ANK3: variants seen among roughly 807,000 people sequenced by gnomAD.
ANK3 encodes the protein ankyrin 3.
ANK3 carries 57 observed loss-of-function variants against 370.9 expected under a neutral mutation model. The ratio of observed to expected loss-of-function variants is 0.15; its 90% CI spans 0.12 to 0.19. The LOEUF is 0.19. ANK3 is among the 10% of genes least tolerant of loss of function. The pLI, the probability that ANK3 is intolerant of heterozygous loss-of-function variation, is 1.00. For synonymous variants in ANK3, 1,929 were observed against 1,946.3 expected (o/e 0.99, Z 0.23); for missense variants, 4,439 against 5,302.1 (o/e 0.84, Z 5.06).
intron 7 of ANK3, among the ~76,000 whole-genome samples, chr10:60,249,619 A>G (rs1293262278): frequency 6.6e-6 from 1 of 152,210 alleles, no homozygotes; most frequent in Non-Finnish European, 1.5e-5. Context: ...AGAAATGAAA[A>G]CAATGTCTTT....
At chr10:60,548,278 C>G (rs928430971) in intron 2 of ANK3, among the ~76,000 whole-genome samples, 1 of 131,716 alleles carries the variant, frequency 7.6e-6, no homozygotes, top group Non-Finnish European at 1.5e-5. Flanking sequence ...ATGACATGAT[C>G]TCGGCTCACT....
chr10:60,476,989 TAAAGG>T (rs1235719164), intron 2 of ANK3, among the ~76,000 whole-genome samples: 6 of 152,022 alleles, frequency 3.9e-5, no homozygotes, highest in Non-Finnish European at 8.8e-5. Context: ...GGTGGCACAC[TAAAGG>T]AAAGAAAGCC....
chr10:60,390,223 G>A (rs1034937713), upstream of ANK3, among the ~76,000 whole-genome samples: 3 of 152,178 alleles, frequency 2.0e-5, no homozygotes, highest in African/African-American at 7.2e-5. Flanking sequence ...CATCCTTTAT[G>A]CTGAACTATC....
chr10:60,182,467 C>CT (rs2096222392), intron 17 of ANK3, among the ~76,000 whole-genome samples: 1 of 152,140 alleles, frequency 6.6e-6, no homozygotes, highest in Non-Finnish European at 1.5e-5. Flanking sequence ...AATTGTAAAG[C>CT]ATTTTTTATA....
At chr10:60,648,767 T>TAAAAAAAAAA (rs796546062) in intron 1 of ANK3, among the ~76,000 whole-genome samples, 2 of 112,252 alleles carry the variant, frequency 1.8e-5, no homozygotes, top group African/African-American at 3.4e-5. Flanking sequence ...AAGACTGTCT[T>TAAAAAAAAAA]AAAAAAAAAA....
intron 1 of ANK3, among the ~76,000 whole-genome samples, chr10:60,327,015 C>CAAAAAAAAAAA (rs986368110): frequency 5.6e-5 from 8 of 143,022 alleles, no homozygotes; most frequent in African/African-American, 1.9e-4. Flanking sequence ...GACTCCGTCT[C>CAAAAAAAAAAA]AAAAAAAAAA....
rs1302662882 is a variant in ANK3 at position 60,063,185 on chromosome 10, A to G, written c.12521T>C (p.Ile4174Thr). The change falls in exon 40 of 44, where the codon ATA (isoleucine) becomes ACA (threonine). Residue 4174 changes from isoleucine (I) to threonine (T), a missense_variant. By Grantham distance (89) the Ile-to-Thr change is moderately conservative. Around this residue, in one of 13 missense-constraint regions of ANK3, gnomAD observed 99 missense variants for 150.7 expected, o/e 0.66. Transcript: ENST00000280772. Reference sequence around the variant, plus strand: ...GCCTGAAATATTTCCATAATCAAATATTGGTCCTTCTAGCAGTGTCACTAT... The same window carrying G: ...GCCTGAAATATTTCCATAATCAAATGTTGGTCCTTCTAGCAGTGTCACTAT... ...IDIVTLLEGP[I>T]FDYGNISGTR... 1 of 1,613,576 alleles carries G rather than the reference A, an allele frequency of 6.2e-7. No individual in the cohort carries two copies. The highest frequency in any genetic ancestry group is 1.3e-5 in the African/African-American group (1 of 74,934).
chr10:60,560,436 A>C (rs1332679200), intron 2 of ANK3, among the ~76,000 whole-genome samples: 1 of 152,224 alleles, frequency 6.6e-6, no homozygotes, highest in Non-Finnish European at 1.5e-5. Flanking sequence ...CAAAAGCCAT[A>C]TGTGGCAATT....
At chr10:60,200,307 G>T (rs2096652562) in intron 12 of ANK3, 80 bp from the exon 13 acceptor site, 1 of 1,133,388 alleles carries the variant, frequency 8.8e-7, no homozygotes, top group African/African-American at 1.5e-5. Flanking sequence ...AGCTTATGAT[G>T]GACTTTTTTC....
intron 2 of ANK3, among the ~76,000 whole-genome samples, chr10:60,540,564 G>A (rs1396302884): frequency 2.6e-5 from 4 of 151,848 alleles, no homozygotes; most frequent in African/African-American, 7.2e-5. Context: ...TCCTAAACAC[G>A]GTCAGCTAAG....
chr10:60,435,923 T>C (rs2064144286), intron 2 of ANK3, among the ~76,000 whole-genome samples: 1 of 152,032 alleles, frequency 6.6e-6, no homozygotes, highest in Non-Finnish European at 1.5e-5. Context: ...CCGTCTCTAC[T>C]AAAAATACAA....
intron 28 of ANK3, among the ~76,000 whole-genome samples, chr10:60,094,181 ATTTTTTTTT>A (rs1169437967): frequency 4.6e-4 from 53 of 116,388 alleles, no homozygotes; most frequent in Middle Eastern, 5.1e-3. Context: ...ACAGTATTCT[ATTTTTTTTT>A]TTTTTTTTTT....
chr10:60,140,620 C>T (rs1317424367), intron 23 of ANK3: 5 of 1,400,770 alleles, frequency 3.6e-6, no homozygotes, highest in Non-Finnish European at 4.6e-6. Context: ...TTAAAAAACC[C>T]CACTTAATTG....
intron 2 of ANK3, among the ~76,000 whole-genome samples, chr10:60,400,492 C>T (rs1055252879): frequency 1.3e-5 from 2 of 152,116 alleles, no homozygotes; most frequent in African/African-American, 4.8e-5. Flanking sequence ...AAGGTAACTA[C>T]TGCATTTCAT....
chr10:60,570,623 A>G (rs954785234), intron 2 of ANK3, among the ~76,000 whole-genome samples: 1 of 152,176 alleles, frequency 6.6e-6, no homozygotes, highest in Non-Finnish European at 1.5e-5. Context: ...TTCAGGCCCT[A>G]TGGTCAGGAA....
At chr10:60,644,442 TA>T (rs1341217410) in intron 1 of ANK3, among the ~76,000 whole-genome samples, 1 of 152,224 alleles carries the variant, frequency 6.6e-6, no homozygotes, top group Non-Finnish European at 1.5e-5. Flanking sequence ...TGTTTCTAAG[TA>T]AATACATTCA....
At chr10:60,485,421 A>G (rs547697413) in intron 2 of ANK3, among the ~76,000 whole-genome samples, 1 of 152,302 alleles carries the variant, frequency 6.6e-6, no homozygotes, top group Non-Finnish European at 1.5e-5. Flanking sequence ...AATCTCGGAG[A>G]TATGTTACAG....
Position 60,076,380 on chromosome 10 carries a change from T to C in ANK3, c.4501A>G (p.Arg1501Gly), listed in dbSNP as rs2083810031. The C allele has an allele frequency of 1.2e-6, 2 of 1,613,916 alleles. No homozygotes were observed. The highest frequency in any genetic ancestry group is 1.7e-6 in the Non-Finnish European group (2 of 1,179,964). ...TYSYKPFFST[R>G]PYQSWTTAPI... The stretch of plus-strand genomic sequence containing the variant: ...GCTGTTGTCCAGGACTGGTATGGTC[T>C]TGTAGAAAAGAATGGCTTGTATGAG... The change falls in exon 37 of 44, where the codon AGA becomes GGA. Residue 1501 changes from arginine (R) to glycine (G), a missense_variant. Around this residue, in one of 13 missense-constraint regions of ANK3, gnomAD observed 679 missense variants for 791.0 expected, o/e 0.86. Coordinates refer to ENST00000280772, the MANE Select transcript of ANK3 (RefSeq NM_020987.5).
chr10:60,070,482 T>C lies in ANK3; in HGVS notation c.10399A>G (p.Ile3467Val). 1 of 1,614,174 alleles carries C rather than the reference T, an allele frequency of 6.2e-7. No individual in the cohort carries two copies. Among genetic ancestry groups the C allele is most frequent in the South Asian group, 1.1e-5 (1 of 91,088 alleles). Reference sequence around the variant, plus strand: ...GGTCCCACCTTTCCCTCCTCCTCGATAACTTCAAGTTTACTTTGGCTAAAA... The same window carrying C: ...GGTCCCACCTTTCCCTCCTCCTCGACAACTTCAAGTTTACTTTGGCTAAAA... ...RSFSQSKLEV[I>V]EEEGKVGPDE... The change falls in exon 37 of 44, where the codon ATC becomes GTC. Residue 3467 changes from isoleucine to valine, a missense_variant. Physicochemically the swap from Ile to Val is conservative, Grantham distance 29. Coordinates refer to ENST00000280772, the MANE Select transcript of ANK3 (RefSeq NM_020987.5). This position sits in a 1 kb window ranked among gnomAD's most constrained non-coding sequence, Gnocchi z 5.7.
Sources: gnomAD v4.1 joint callset for allele counts (sites outside exome capture counted in the v4.1 genomes callset) on GRCh38, gnomAD v4.1.1 for gene constraint, gnomAD v4.1.1 regional missense constraint, Gnocchi (gnomAD v3.1) non-coding constraint, MANE v1.5 for transcripts, NCBI Gene and HGNC (gene_info 2026-07-23, HGNC 2026-07-21) for gene names.